C10orf67: variants seen among roughly 807,000 people sequenced by gnomAD.
C10orf67 encodes chromosome 10 open reading frame 67.
C10orf67 carries 60 observed loss-of-function variants against 35.6 expected under a neutral mutation model. The ratio of observed to expected loss-of-function variants is 1.68; its 90% CI spans 1.37 to 2.09. The LOEUF is 2.09. C10orf67 is among the 30% of genes most tolerant of loss of function. The pLI, the probability that C10orf67 is intolerant of heterozygous loss-of-function variation, is 0.00. For synonymous variants in C10orf67, 167 were observed against 115.8 expected, an observed-to-expected ratio of 1.44 and a Z score of -2.84; for missense variants, 474 against 330.2, an observed-to-expected ratio of 1.44 and a Z score of -3.38.
chr10:23,221,049 A>G (rs1841564731), intron 15 of C10orf67, among the ~76,000 whole-genome samples: 1 of 152,206 alleles, frequency 6.6e-6, no homozygotes. Flanking sequence ...ATGTACCTGT[A>G]TTAGTCCATT....
chr10:23,249,310 C>A (rs1309609825), intron 12 of C10orf67, among the ~76,000 whole-genome samples: 2 of 152,012 alleles, frequency 1.3e-5, no homozygotes, highest in Non-Finnish European at 2.9e-5. Context: ...AATCCAAAAC[C>A]TATTTGCAGG....
chr10:23,289,121 A>G (rs1843636218), intron 7 of C10orf67, among the ~76,000 whole-genome samples: 1 of 152,168 alleles, frequency 6.6e-6, no homozygotes, highest in African/African-American at 2.4e-5. Context: ...ACTGCATTCA[A>G]TTCAATGAGC....
At chr10:23,313,973 G>A (rs1189543505) in intron 4 of C10orf67, among the ~76,000 whole-genome samples, 1 of 146,300 alleles carries the variant, frequency 6.8e-6, no homozygotes, top group African/African-American at 2.7e-5. Flanking sequence ...GGTGAGCAAC[G>A]CTGACTATCG....
chr10:23,302,561 A>G (rs1844118499), intron 5 of C10orf67, among the ~76,000 whole-genome samples: 1 of 152,154 alleles, frequency 6.6e-6, no homozygotes, highest in African/African-American at 2.4e-5. Flanking sequence ...AGCCTTTCCA[A>G]ATCAAACAAT....
rs546320995 is a variant in C10orf67 at position 23,322,072 on chromosome 10, G to A, written c.471+322C>T. 3.4e-3 allele frequency among the ~76,000 whole-genome samples: 515 copies of A among 152,322 alleles called. 3 individuals are homozygous for A. The highest frequency in any genetic ancestry group is 5.3e-3 in the Non-Finnish European group (363 of 68,026). The stretch of plus-strand genomic sequence containing the variant: ...CAAAGTGGTAGGATTAGAGGCATGT[G>A]TGCTTGGCCTCTCCTGTTTTTTAAC... On this transcript the variant is annotated intron_variant, in intron 3 of 15. Transcript: ENST00000636213.
chr10:23,314,483 AACACACACACACACACACAC>A (rs56043614), intron 4 of C10orf67, among the ~76,000 whole-genome samples: 8 of 135,836 alleles, frequency 5.9e-5, no homozygotes, highest in South Asian at 2.6e-4. Context: ...ATTAAGTTAA[AACACACACACACACACACAC>A]ACACACACAC....
intron 12 of C10orf67, among the ~76,000 whole-genome samples, chr10:23,243,242 T>C (rs1453248239): frequency 6.6e-6 from 1 of 152,206 alleles, no homozygotes; most frequent in Non-Finnish European, 1.5e-5. Context: ...TAGATACATC[T>C]ATAATCATGG....
chr10:23,329,306 T>C (rs1845337204), intron 2 of C10orf67, among the ~76,000 whole-genome samples: 1 of 151,930 alleles, frequency 6.6e-6, no homozygotes, highest in Non-Finnish European at 1.5e-5. Flanking sequence ...ATAAATATTA[T>C]ACCAATAATT....
intron 12 of C10orf67, among the ~76,000 whole-genome samples, chr10:23,246,949 C>G (rs985550094): frequency 5.3e-5 from 8 of 151,988 alleles, no homozygotes; most frequent in Admixed American, 2.0e-4. Flanking sequence ...TGTCAGGCTG[C>G]CATGTAGCTG....
chr10:23,237,723 A>G (rs1404744159), intron 13 of C10orf67, among the ~76,000 whole-genome samples: 1 of 151,238 alleles, frequency 6.6e-6, no homozygotes, highest in African/African-American at 2.4e-5. Flanking sequence ...AAATTTAAGA[A>G]CAGGCAAAAC....
chr10:23,320,656 G>A (rs367877818), intron 4 of C10orf67, 85 bp downstream of exon 4: 2 of 1,040,044 alleles, frequency 1.9e-6, no homozygotes, highest in African/African-American at 3.2e-5. Flanking sequence ...ACACAGACTG[G>A]GAAGCCAAGG....
intron 4 of C10orf67, among the ~76,000 whole-genome samples, chr10:23,314,178 ACT>A (rs1844603320): frequency 7.4e-6 from 1 of 136,032 alleles, no homozygotes; most frequent in Non-Finnish European, 1.5e-5. Flanking sequence ...ACAGAGCAAG[ACT>A]CTGTTTCAAA....
At chr10:23,253,042 T>C (rs1182637715) in intron 10 of C10orf67, among the ~76,000 whole-genome samples, 1 of 151,590 alleles carries the variant, frequency 6.6e-6, no homozygotes, top group East Asian at 1.9e-4. Context: ...CTTTGCTTGC[T>C]GCCATCCATG....
At chr10:23,249,635 CA>C (rs1412852335) in intron 12 of C10orf67, among the ~76,000 whole-genome samples, 1 of 152,192 alleles carries the variant, frequency 6.6e-6, no homozygotes, top group Non-Finnish European at 1.5e-5. Flanking sequence ...GAATTTTATA[CA>C]GACAAGATCC....
intron 10 of C10orf67, among the ~76,000 whole-genome samples, chr10:23,256,958 C>T (rs377185120): frequency 3.3e-5 from 5 of 152,242 alleles, no homozygotes; most frequent in African/African-American, 1.2e-4. Context: ...TTTATTTCTC[C>T]CAGGCCACTC....
intron 4 of C10orf67, among the ~76,000 whole-genome samples, chr10:23,312,144 A>G (rs1844525469): frequency 6.6e-6 from 1 of 152,226 alleles, no homozygotes; most frequent in African/African-American, 2.4e-5. Flanking sequence ...ATTTACTCCC[A>G]GTTAAAGTAT....
chr10:23,205,333 G>A (rs545268153), intron 15 of C10orf67, among the ~76,000 whole-genome samples: 2 of 152,162 alleles, frequency 1.3e-5, no homozygotes, highest in Non-Finnish European at 2.9e-5. Flanking sequence ...AGCATAAAGG[G>A]CATTGTTTTC....
chr10:23,324,139 T>A (rs931466814), intron 2 of C10orf67, among the ~76,000 whole-genome samples: 1 of 150,670 alleles, frequency 6.6e-6, no homozygotes, highest in Non-Finnish European at 1.5e-5. Context: ...GGGGCAAGGA[T>A]GTTCCTATCT....
chr10:23,238,707 A>C (rs969113926), intron 13 of C10orf67, among the ~76,000 whole-genome samples: 1 of 152,226 alleles, frequency 6.6e-6, no homozygotes, highest in African/African-American at 2.4e-5. Flanking sequence ...CGAACTGATT[A>C]AATTTCTAAA....
Sources: allele counts gnomAD v4.1 joint callset (sites outside exome capture counted in the v4.1 genomes callset), GRCh38; gene constraint gnomAD v4.1.1; transcripts MANE v1.5; gene names NCBI Gene and HGNC (gene_info 2026-07-23, HGNC 2026-07-21).